The following TLL1 variants were observed in gnomAD, a reference collection of about 807,000 sequenced individuals.
TLL1 encodes the protein tolloid-like protein 1.
A neutral mutation model predicts 128.2 loss-of-function variants in TLL1; 49 were observed. That is an observed-to-expected ratio of 0.38 (90% CI 0.30 to 0.48). TLL1 has a LOEUF of 0.48. TLL1 is among the 20% of genes least tolerant of loss of function. The pLI, the probability that TLL1 is intolerant of heterozygous loss-of-function variation, is 0.96. For missense variants in TLL1, 1,123 were observed against 1,242.0 expected (o/e 0.90, Z 1.44); for synonymous variants, 454 against 418.8 (o/e 1.08, Z -1.03).
intron 1 of TLL1, among the ~76,000 whole-genome samples, chr4:165,946,796 A>G (rs1044847727): frequency 1.3e-5 from 2 of 152,136 alleles, no homozygotes; most frequent in African/African-American, 2.4e-5. Context: ...CATTATAGAA[A>G]AAGCCTAGAT....
chr4:166,099,156 A>C, intron 19 of TLL1, 121 bp from the exon 20 acceptor site: 1 of 1,474,572 alleles, frequency 6.8e-7, no homozygotes, highest in Non-Finnish European at 9.5e-7. Flanking sequence ...AACATATCTG[A>C]CGCTGGAAGT....
chr4:165,900,538 T>G (rs1451937760), intron 1 of TLL1, among the ~76,000 whole-genome samples: 1 of 152,206 alleles, frequency 6.6e-6, no homozygotes, highest in Non-Finnish European at 1.5e-5. Context: ...AAAATTCTTT[T>G]CTTTAAGAAT....
rs918722823 is a variant in TLL1, at chr4:166,086,264, C to A, written c.2443-4864C>A. ...GAGTCAGTTTATTATAGATTTTTAT[C>A]GAGACTTAGGCATTATAATGCAGTT... On this transcript the variant is annotated intron_variant, in intron 18 of 20. Transcript: ENST00000061240. Among the ~76,000 whole-genome samples the A allele has an allele frequency of 1.9e-3, 286 of 152,062 alleles. 4 individuals carry two copies. Among genetic ancestry groups the A allele is most frequent in the Non-Finnish European group, 6.2e-4 (42 of 67,976 alleles).
chr4:166,008,569 T>A (rs1737543113), intron 7 of TLL1, among the ~76,000 whole-genome samples: 1 of 151,586 alleles, frequency 6.6e-6, no homozygotes, highest in South Asian at 2.1e-4. Flanking sequence ...AAAGATATTT[T>A]ACCTCATATA....
intron 18 of TLL1, among the ~76,000 whole-genome samples, chr4:166,088,214 G>T (rs60622610): frequency 4.0e-4 from 61 of 152,168 alleles, no homozygotes; most frequent in African/African-American, 1.4e-3. Context: ...GTCTTCTGGG[G>T]ACATTTCTGC....
At chr4:166,058,456 A>G (rs920018282) in intron 14 of TLL1, among the ~76,000 whole-genome samples, 3 of 152,206 alleles carry the variant, frequency 2.0e-5, no homozygotes, top group Non-Finnish European at 4.4e-5. Flanking sequence ...TGATTTTTTT[A>G]AAAAGACTTT....
chr4:166,076,799 G>A (rs1381729675), intron 17 of TLL1, among the ~76,000 whole-genome samples: 2 of 152,132 alleles, frequency 1.3e-5, no homozygotes, highest in Admixed American at 6.6e-5. Context: ...GACAGGAACT[G>A]AATTTTACCT....
In TLL1 at chr4:165,986,049, A is replaced by T. The variant is rs7697328; in HGVS notation, c.170-3332A>T. On this transcript the variant is annotated intron_variant, in intron 1 of 20. Transcript: ENST00000061240. ...TTTTAGTTCTGATCTCACTAACCTC[A>T]AATCATGTATTAAATGGGCCAAATG... 6.1e-3 allele frequency among the ~76,000 whole-genome samples: 934 copies of T among 151,998 alleles called. 12 individuals are homozygous for T. Among genetic ancestry groups the T allele is most frequent in the African/African-American group, 0.021 (855 of 41,498 alleles).
chr4:166,081,692 T>C (rs1741288272), intron 18 of TLL1, among the ~76,000 whole-genome samples: 1 of 152,150 alleles, frequency 6.6e-6, no homozygotes, highest in African/African-American at 2.4e-5. Flanking sequence ...TTCAGTAGAC[T>C]TCAGACTACT....
intron 1 of TLL1, among the ~76,000 whole-genome samples, chr4:165,891,356 T>C (rs909102363): frequency 1.3e-5 from 2 of 152,164 alleles, no homozygotes; most frequent in Non-Finnish European, 1.5e-5. Flanking sequence ...TTCTATATCA[T>C]CATCAGGCTA....
In TLL1 at chr4:166,042,072, ACAG is replaced by A. The variant is rs568503182; in HGVS notation, c.1311_1313del (p.Ser437del). On this transcript the variant is annotated inframe_deletion, in exon 11 of 21. Coordinates refer to ENST00000061240, the MANE Select transcript of TLL1 (RefSeq NM_012464.5). ...TTGCCTGAAGTTCTTACTTCTACAG[ACAG>A]CAGAATGTGGATTGAGTTTCGTAGC... 3.3e-5 allele frequency: 54 copies of A among 1,612,400 alleles called. No individual in the cohort carries two copies. The highest frequency in any genetic ancestry group is 3.3e-4 in the Middle Eastern group (2 of 6,064).
chr4:165,892,546 A>C (rs750033309), intron 1 of TLL1, among the ~76,000 whole-genome samples: 5 of 152,136 alleles, frequency 3.3e-5, no homozygotes, highest in African/African-American at 1.2e-4. Context: ...TATGCCATTA[A>C]TGTTTTTTTT....
At chr4:165,981,743 G>A (rs544913156) in intron 1 of TLL1, among the ~76,000 whole-genome samples, 1 of 152,088 alleles carries the variant, frequency 6.6e-6, no homozygotes, top group Non-Finnish European at 1.5e-5. Context: ...CATAGCCCTG[G>A]GTGGTTTTGT....
chr4:165,942,032 A>G (rs554907695), intron 1 of TLL1, among the ~76,000 whole-genome samples: 2 of 152,168 alleles, frequency 1.3e-5, no homozygotes, highest in African/African-American at 4.8e-5. Context: ...GATATTATTG[A>G]CCCATTTTAC....
intron 12 of TLL1, among the ~76,000 whole-genome samples, chr4:166,046,252 G>A (rs1739457913): frequency 6.6e-6 from 1 of 152,172 alleles, no homozygotes; most frequent in African/African-American, 2.4e-5. Context: ...TTAAAGGCAT[G>A]TAAGTTTCCA....
At chr4:165,964,785 C>A (rs1162350465) in intron 1 of TLL1, among the ~76,000 whole-genome samples, 1 of 151,874 alleles carries the variant, frequency 6.6e-6, no homozygotes, top group Non-Finnish European at 1.5e-5. Flanking sequence ...TCACCAACAA[C>A]AATTAGCTGG....
chr4:165,989,598 G>T, intron 2 of TLL1, 107 bp downstream of exon 2: 1 of 791,994 alleles, frequency 1.3e-6, no homozygotes, highest in Non-Finnish European at 2.2e-6. Context: ...GATCAACTCT[G>T]ACTTCCTATA....
At chr4:166,057,864 G>T (rs1740104805) in intron 14 of TLL1, among the ~76,000 whole-genome samples, 1 of 152,024 alleles carries the variant, frequency 6.6e-6, no homozygotes, top group Admixed American at 6.6e-5. Flanking sequence ...CTCCCACCAG[G>T]TCCCTCCCAT....
intron 1 of TLL1, among the ~76,000 whole-genome samples, chr4:165,900,908 C>T (rs1019219628): frequency 1.3e-5 from 2 of 152,032 alleles, no homozygotes; most frequent in African/African-American, 4.8e-5. Context: ...CACATGGTCC[C>T]ATATTTCTTG....
Sources: allele counts gnomAD v4.1 joint callset (sites outside exome capture counted in the v4.1 genomes callset), GRCh38; gene constraint gnomAD v4.1.1; transcripts MANE v1.5; gene names NCBI Gene and HGNC (gene_info 2026-07-23, HGNC 2026-07-21).